RTL4: variants seen among roughly 807,000 people sequenced by gnomAD.
RTL4 encodes the protein retrotransposon Gag-like protein 4.
A neutral mutation model predicts 5.3 loss-of-function variants in RTL4; 4 were observed. The observed-to-expected ratio is 0.75, with a 90% CI of 0.37 to 1.72. RTL4 has a LOEUF of 1.72. RTL4 is among the 40% of genes most tolerant of loss of function. The pLI, the probability that RTL4 is intolerant of heterozygous loss-of-function variation, is 0.04. For missense variants in RTL4, 260 were observed against 227.1 expected (o/e 1.14, Z -0.93); for synonymous variants, 98 against 87.3 (o/e 1.12, Z -0.68).
the RTL4 span, among the ~76,000 whole-genome samples, chrX:112,317,907 C>A: frequency 8.9e-6 from 1 of 111,753 alleles, no homozygotes; most frequent in Non-Finnish European, 1.9e-5. Context: ...TCAATAGCAT[C>A]CAACAACTTT....
the RTL4 span, among the ~76,000 whole-genome samples, chrX:112,086,639 G>C: frequency 1.3e-4 from 14 of 111,845 alleles, no homozygotes; most frequent in South Asian, 3.8e-4. Context: ...GGTGAGCCAG[G>C]CAGGACTGCA....
the RTL4 span, among the ~76,000 whole-genome samples, chrX:112,130,408 A>G: frequency 7.3e-5 from 8 of 110,125 alleles, no homozygotes; most frequent in South Asian, 3.1e-3. Context: ...GTGGGTAAAA[A>G]ATCTCAGACC....
chrX:112,418,866 T>A, the RTL4 span, among the ~76,000 whole-genome samples: 22 of 109,481 alleles, frequency 2.0e-4, no homozygotes, highest in African/African-American at 7.3e-4. Context: ...CATTCTAATT[T>A]TACTTCCACT....
the RTL4 span, among the ~76,000 whole-genome samples, chrX:112,102,437 T>C: frequency 8.9e-6 from 1 of 111,911 alleles, no homozygotes; most frequent in East Asian, 2.8e-4. Flanking sequence ...AAAAAGTTGT[T>C]AAACAACTGT....
chrX:112,337,191 T>A, the RTL4 span, among the ~76,000 whole-genome samples: 1 of 112,261 alleles, frequency 8.9e-6, no homozygotes, highest in African/African-American at 3.2e-5. Flanking sequence ...CCAGTCTGCC[T>A]ATCCTAATGT....
exon 1 of RTL4, chrX:112,455,539 C>G (rs778427105): frequency 1.7e-6 from 2 of 1,211,471 alleles, no homozygotes; most frequent in Admixed American, 2.2e-5. Flanking sequence ...CCCAGCCAAA[C>G]GAGCCCGCCA....
At chrX:112,316,602 T>C in the RTL4 span, among the ~76,000 whole-genome samples, 4 of 112,051 alleles carry the variant, frequency 3.6e-5, no homozygotes, top group Non-Finnish European at 7.5e-5. Flanking sequence ...AAAAAAGATG[T>C]CATCTTGAAC....
At chrX:112,207,690 A>G in the RTL4 span, among the ~76,000 whole-genome samples, 1 of 106,687 alleles carries the variant, frequency 9.4e-6, no homozygotes, top group African/African-American at 3.4e-5. Context: ...AATATATCAC[A>G]TAGATAAAAA....
At chrX:112,425,268 T>G in the RTL4 span, among the ~76,000 whole-genome samples, 1 of 111,748 alleles carries the variant, frequency 8.9e-6, no homozygotes, top group African/African-American at 3.2e-5. Flanking sequence ...GTTGCTCATT[T>G]CTTTTAGTGC....
At chrX:112,366,513 A>T in the RTL4 span, among the ~76,000 whole-genome samples, 801 of 111,489 alleles carry the variant, frequency 7.2e-3, 3 homozygotes, top group African/African-American at 0.025. Flanking sequence ...GGGCTCATGT[A>T]ATTCAGTTTC....
the RTL4 span, among the ~76,000 whole-genome samples, chrX:112,307,067 T>G: frequency 8.9e-6 from 1 of 111,908 alleles, no homozygotes; most frequent in Non-Finnish European, 1.9e-5. Flanking sequence ...CTCCACAGTT[T>G]TCATTGCTTC....
chrX:112,102,614 C>T, the RTL4 span, among the ~76,000 whole-genome samples: 3 of 111,151 alleles, frequency 2.7e-5, no homozygotes, highest in South Asian at 1.1e-3. Flanking sequence ...AAAATCATAT[C>T]CAACAAAGAC....
rs189407251 is a variant in RTL4 at position 112,455,507 on chromosome X, G to A, written c.779G>A (p.Arg260Gln). The change falls in exon 1 of 1, where the codon CGA becomes CAA. Residue 260 changes from arginine (R) to glutamine (Q), a missense_variant. By Grantham distance (43) the Arg-to-Gln change is conservative (BLOSUM62 1). Transcript: ENST00000340433. ...CCCAAGAAAGGGCCTATACAGCTGC[G>A]AGAAGGCCAGCTGCCTCTCACCCCA... is the stretch of plus-strand genomic sequence containing the variant. The A allele has an allele frequency of 1.2e-5, 15 of 1,209,365 alleles. No homozygotes were observed. Among genetic ancestry groups the A allele is most frequent in the Middle Eastern group, 2.3e-4 (1 of 4,352 alleles).
At chrX:112,135,908 A>G in the RTL4 span, among the ~76,000 whole-genome samples, 2 of 107,484 alleles carry the variant, frequency 1.9e-5, no homozygotes, top group African/African-American at 6.8e-5. Flanking sequence ...ATATATATAT[A>G]TATGTATACC....
the RTL4 span, among the ~76,000 whole-genome samples, chrX:112,388,860 G>C: frequency 9.0e-6 from 1 of 111,505 alleles, no homozygotes; most frequent in Non-Finnish European, 1.9e-5. Context: ...CAAGGATATT[G>C]GCCTGCTGTT....
the RTL4 span, among the ~76,000 whole-genome samples, chrX:112,348,819 T>C: frequency 9.1e-6 from 1 of 110,281 alleles, no homozygotes; most frequent in Non-Finnish European, 1.9e-5. Flanking sequence ...CCTGAATAAA[T>C]AGTGTGGTGG....
the RTL4 span, among the ~76,000 whole-genome samples, chrX:112,189,385 A>G: frequency 8.9e-6 from 1 of 112,458 alleles, no homozygotes; most frequent in Non-Finnish European, 1.9e-5. Context: ...GACACTTCAC[A>G]GACCACATTA....
chrX:112,361,539 G>A, the RTL4 span, among the ~76,000 whole-genome samples: 1 of 111,096 alleles, frequency 9.0e-6, no homozygotes. Context: ...CTCTTCAAAG[G>A]CAGTTCCAAG....
At chrX:112,222,117 T>C in the RTL4 span, among the ~76,000 whole-genome samples, 2 of 111,698 alleles carry the variant, frequency 1.8e-5, no homozygotes, top group African/African-American at 6.5e-5. Context: ...ACAATTATTT[T>C]CTTGAATATA....
Sources: allele counts gnomAD v4.1 joint callset (sites outside exome capture counted in the v4.1 genomes callset), GRCh38; gene constraint gnomAD v4.1.1; transcripts MANE v1.5; gene names NCBI Gene and HGNC (gene_info 2026-07-23, HGNC 2026-07-21).